Variants in CNTLN observed in about 807,000 individuals in gnomAD.
CNTLN encodes the protein centlein, centrosomal protein.
Under a neutral mutation model 180.0 loss-of-function variants are expected in CNTLN, and 212 were observed. That is an observed-to-expected ratio of 1.18 (90% CI 1.05 to 1.32). CNTLN has a LOEUF of 1.32. Among genes scored for constraint, CNTLN ranks in the 40% most tolerant of loss-of-function variants. CNTLN has a pLI of 0.00. For missense variants in CNTLN, 2,095 were observed against 1,610.9 expected (o/e 1.30, Z -5.14); for synonymous variants, 722 against 563.1 (o/e 1.28, Z -3.99).
the CNTLN span, among the ~76,000 whole-genome samples, chr9:17,510,711 G>T: frequency 6.6e-6 from 1 of 152,146 alleles, no homozygotes; most frequent in Non-Finnish European, 1.5e-5. Context: ...GGACTTGCTA[G>T]GCTCCATAAT....
At chr9:17,510,411 A>G in the CNTLN span, among the ~76,000 whole-genome samples, 1 of 152,164 alleles carries the variant, frequency 6.6e-6, no homozygotes, top group Non-Finnish European at 1.5e-5. Context: ...GACTTGATGA[A>G]TTTTGTGTGT....
intron 3 of CNTLN, among the ~76,000 whole-genome samples, chr9:17,234,885 T>C (rs10962922): frequency 0.2 from 30,681 of 152,122 alleles, 3,825 homozygotes; most frequent in African/African-American, 0.35. Flanking sequence ...TCATTTTTAG[T>C]AAGTTAGTTT....
At chr9:17,393,561 C>G (rs1218730107) in intron 14 of CNTLN, among the ~76,000 whole-genome samples, 1 of 152,058 alleles carries the variant, frequency 6.6e-6, no homozygotes. Context: ...AAAAGTTTAC[C>G]TCTGTGAAAT....
chr9:17,320,299 C>A (rs1819817280), intron 8 of CNTLN, among the ~76,000 whole-genome samples: 1 of 152,100 alleles, frequency 6.6e-6, no homozygotes. Flanking sequence ...ATATTTGCAA[C>A]CTCTAGAAGA....
chr9:17,191,314 T>G (rs889627080), intron 2 of CNTLN, among the ~76,000 whole-genome samples: 1 of 152,236 alleles, frequency 6.6e-6, no homozygotes, highest in African/African-American at 2.4e-5. Context: ...ATGCAAGGAA[T>G]GTAAGGCAAT....
At chr9:17,510,545 T>C in the CNTLN span, among the ~76,000 whole-genome samples, 2 of 152,176 alleles carry the variant, frequency 1.3e-5, no homozygotes, top group African/African-American at 4.8e-5. Context: ...TTGCCCTCCA[T>C]AATGTGGGAT....
intron 25 of CNTLN, among the ~76,000 whole-genome samples, chr9:17,495,363 G>C (rs1833397774): frequency 6.6e-6 from 1 of 152,162 alleles, no homozygotes. Flanking sequence ...AGTGGGACAA[G>C]ATGTGGAGGT....
chr9:17,502,417 A>G (rs755806865), intron 25 of CNTLN, 134 bp from the exon 26 acceptor site: 18 of 471,164 alleles, frequency 3.8e-5, no homozygotes, highest in Non-Finnish European at 6.1e-5. Flanking sequence ...TCAGTAGAAA[A>G]GAGATCCAGT....
At chr9:17,409,093 T>G (rs1827638680) in intron 15 of CNTLN, among the ~76,000 whole-genome samples, 200 bp from the exon 16 acceptor site, 1 of 152,196 alleles carries the variant, frequency 6.6e-6, no homozygotes, top group South Asian at 2.1e-4. Flanking sequence ...GATAATCTGT[T>G]TTCTTGATGG....
At chr9:17,201,638 A>G (rs569687616) in intron 2 of CNTLN, among the ~76,000 whole-genome samples, 12 of 152,234 alleles carry the variant, frequency 7.9e-5, no homozygotes, top group Admixed American at 3.3e-4. Flanking sequence ...TGTTTATGGT[A>G]TTCTCTGATG....
intron 2 of CNTLN, among the ~76,000 whole-genome samples, chr9:17,150,238 T>A (rs1441745711): frequency 1.3e-5 from 2 of 152,270 alleles, no homozygotes; most frequent in African/African-American, 4.8e-5. Flanking sequence ...GCATATGTCC[T>A]GAATGGTATT....
intron 25 of CNTLN, among the ~76,000 whole-genome samples, chr9:17,488,921 T>A (rs911271317): frequency 6.6e-6 from 1 of 152,144 alleles, no homozygotes; most frequent in African/African-American, 2.4e-5. Context: ...AACTGCATCA[T>A]GTGCCTTTAG....
intron 8 of CNTLN, among the ~76,000 whole-genome samples, chr9:17,317,933 C>A (rs1273691178): frequency 6.6e-6 from 1 of 151,870 alleles, no homozygotes; most frequent in Non-Finnish European, 1.5e-5. Flanking sequence ...AATGGAAAGC[C>A]GTTGGTGTGT....
At chr9:17,416,813 T>A (rs2055465378) in intron 18 of CNTLN, among the ~76,000 whole-genome samples, 1 of 152,168 alleles carries the variant, frequency 6.6e-6, no homozygotes, top group Non-Finnish European at 1.5e-5. Context: ...GTTCTTTAGG[T>A]CTTCATTCTT....
At chr9:17,365,733 G>C (rs990539662) in intron 12 of CNTLN, among the ~76,000 whole-genome samples, 14 of 152,196 alleles carry the variant, frequency 9.2e-5, no homozygotes, top group Non-Finnish European at 1.8e-4. Context: ...GCCAAGATGA[G>C]TAGGTTGCTT....
intron 18 of CNTLN, among the ~76,000 whole-genome samples, chr9:17,421,374 A>G (rs113367066): frequency 3.0e-4 from 45 of 152,190 alleles, no homozygotes; most frequent in African/African-American, 5.3e-4. Flanking sequence ...AAAATATGAT[A>G]TAAGTATAGC....
intron 15 of CNTLN, among the ~76,000 whole-genome samples, chr9:17,402,802 G>T (rs529172163): frequency 1.1e-4 from 17 of 151,868 alleles, no homozygotes; most frequent in Admixed American, 2.0e-4. Context: ...CAATTGGACT[G>T]AAGCTACACC....
chr9:17,383,629 A>C (rs1316037215), intron 13 of CNTLN, among the ~76,000 whole-genome samples: 7 of 152,058 alleles, frequency 4.6e-5, no homozygotes, highest in Non-Finnish European at 1.0e-4. Flanking sequence ...TGCAAGAAGT[A>C]ATTCGTAACA....
At chr9:17,145,451 T>C (rs1267020316) in intron 2 of CNTLN, among the ~76,000 whole-genome samples, 1 of 152,210 alleles carries the variant, frequency 6.6e-6, no homozygotes, top group African/African-American at 2.4e-5. Context: ...ATTCTAAATA[T>C]CAAGGTCAAA....
Sources: allele counts gnomAD v4.1 joint callset (sites outside exome capture counted in the v4.1 genomes callset), GRCh38; gene constraint gnomAD v4.1.1; transcripts MANE v1.5; gene names NCBI Gene and HGNC (gene_info 2026-07-23, HGNC 2026-07-21).